WWOX: variants seen among roughly 807,000 people sequenced by gnomAD.
WWOX encodes the protein WW domain containing oxidoreductase.
Under a neutral mutation model 46.2 loss-of-function variants are expected in WWOX, and 69 were observed. That is an observed-to-expected ratio of 1.49 (90% CI 1.23 to 1.82). The LOEUF is 1.82. Among genes scored for constraint, WWOX ranks in the 40% most tolerant of loss-of-function variants. WWOX has a pLI of 0.00. For synonymous variants in WWOX, 359 were observed against 202.6 expected (o/e 1.77, Z -6.56); for missense variants, 919 against 542.6 (o/e 1.69, Z -6.89).
chr16:79,018,682 G>A (rs1054979522), intron 8 of WWOX, among the ~76,000 whole-genome samples: 5 of 152,132 alleles, frequency 3.3e-5, no homozygotes, highest in Non-Finnish European at 5.9e-5. Context: ...AATGTGGGCC[G>A]CCTCCTCCAC....
chr16:78,335,295 C>T (rs13336338), intron 5 of WWOX, among the ~76,000 whole-genome samples: 4,884 of 152,208 alleles, frequency 0.032, 215 homozygotes, highest in African/African-American at 0.094. Context: ...CACCTGCAAG[C>T]CCCAGTGTGT....
chr16:79,024,084 T>C (rs2047589275), intron 8 of WWOX, among the ~76,000 whole-genome samples: 1 of 152,180 alleles, frequency 6.6e-6, no homozygotes, highest in Non-Finnish European at 1.5e-5. Flanking sequence ...AAGCTAGTGA[T>C]TGCAGGGGGC....
At chr16:79,193,448 C>A (rs767697980) in intron 8 of WWOX, among the ~76,000 whole-genome samples, 8 of 152,190 alleles carry the variant, frequency 5.3e-5, no homozygotes, top group Non-Finnish European at 1.2e-4. Context: ...GGAAAAAGAG[C>A]TTTGCCACCG....
At chr16:78,744,175 G>A (rs2049293857) in intron 8 of WWOX, among the ~76,000 whole-genome samples, 1 of 152,112 alleles carries the variant, frequency 6.6e-6, no homozygotes, top group African/African-American at 2.4e-5. Flanking sequence ...GGTCCGTAAA[G>A]GTGGTATTTG....
At chr16:79,156,184 C>G (rs1223788997) in intron 8 of WWOX, among the ~76,000 whole-genome samples, 1 of 152,110 alleles carries the variant, frequency 6.6e-6, no homozygotes, top group Non-Finnish European at 1.5e-5. Context: ...TTCTTTGAGA[C>G]AAGGTCTCAC....
intron 8 of WWOX, chr16:79,004,654 G>T (rs1484277545): frequency 6.6e-6 from 1 of 152,282 alleles, no homozygotes; most frequent in Admixed American, 6.5e-5. Context: ...GCCAACTCCT[G>T]TTTATACTGG....
intron 8 of WWOX, among the ~76,000 whole-genome samples, chr16:78,622,542 TAA>T (rs35888465): frequency 8.0e-4 from 115 of 144,122 alleles, no homozygotes; most frequent in Middle Eastern, 3.6e-3. Flanking sequence ...AACTCCATCT[TAA>T]AAAAAAAAAA....
At chr16:78,606,192 A>G (rs1046986499) in intron 8 of WWOX, among the ~76,000 whole-genome samples, 5 of 152,254 alleles carry the variant, frequency 3.3e-5, no homozygotes, top group Non-Finnish European at 4.4e-5. Flanking sequence ...AAAACTTAAT[A>G]TAATTAATGT....
intron 8 of WWOX, among the ~76,000 whole-genome samples, chr16:79,160,225 A>G (rs2050458665): frequency 6.6e-6 from 1 of 152,196 alleles, no homozygotes; most frequent in East Asian, 1.9e-4. Flanking sequence ...TCCTATGGGA[A>G]GAGTGTTTTG....
intron 5 of WWOX, among the ~76,000 whole-genome samples, chr16:78,321,304 GTA>G (rs1398524716): frequency 1.3e-5 from 1 of 74,428 alleles, no homozygotes; most frequent in African/African-American, 5.0e-5. Context: ...ATATATATAC[GTA>G]TATATATGCG....
At chr16:78,557,254 T>C (rs1424676594) in intron 8 of WWOX, among the ~76,000 whole-genome samples, 2 of 152,146 alleles carry the variant, frequency 1.3e-5, no homozygotes, top group African/African-American at 2.4e-5. Context: ...TAAGACCTGA[T>C]TCTACCTATC....
chr16:79,127,666 G>C (rs1408876904), intron 8 of WWOX, among the ~76,000 whole-genome samples: 2 of 152,142 alleles, frequency 1.3e-5, no homozygotes, highest in African/African-American at 4.8e-5. Context: ...ATGCACTCCG[G>C]TCGTTTTCAT....
intron 8 of WWOX, among the ~76,000 whole-genome samples, chr16:78,960,644 A>G (rs747962476): frequency 1.2e-4 from 18 of 152,198 alleles, no homozygotes; most frequent in Non-Finnish European, 2.5e-4. Flanking sequence ...AGGTTCTCAC[A>G]GTCTGGAGGG....
chr16:79,073,275 G>T (rs1044753426), intron 8 of WWOX, among the ~76,000 whole-genome samples: 1 of 151,784 alleles, frequency 6.6e-6, no homozygotes, highest in Non-Finnish European at 1.5e-5. Flanking sequence ...CACCTCTTGG[G>T]TTCAAGTGGT....
intron 8 of WWOX, among the ~76,000 whole-genome samples, chr16:78,779,686 G>A (rs1445329683): frequency 6.6e-6 from 1 of 152,172 alleles, no homozygotes; most frequent in Non-Finnish European, 1.5e-5. Context: ...GATGCGACTG[G>A]GATCACCACA....
chr16:78,616,866 G>A (rs1394408218), intron 8 of WWOX, among the ~76,000 whole-genome samples: 2 of 152,126 alleles, frequency 1.3e-5, no homozygotes, highest in Non-Finnish European at 2.9e-5. Flanking sequence ...ACTTCCTAAT[G>A]TTACCACTCT....
chr16:78,748,246 C>T (rs2049396378), intron 8 of WWOX, among the ~76,000 whole-genome samples: 1 of 152,160 alleles, frequency 6.6e-6, no homozygotes, highest in Non-Finnish European at 1.5e-5. Flanking sequence ...AATGAATGAA[C>T]CTTGTCTACC....
intron 8 of WWOX, among the ~76,000 whole-genome samples, chr16:78,949,135 G>C (rs777593879): frequency 1.6e-4 from 24 of 152,074 alleles, no homozygotes; most frequent in Non-Finnish European, 2.4e-4. Context: ...GCTGAATTCT[G>C]CCAATAACCT....
intron 8 of WWOX, among the ~76,000 whole-genome samples, chr16:78,807,419 A>T (rs866978158): frequency 2.0e-5 from 3 of 152,258 alleles, no homozygotes; most frequent in African/African-American, 7.2e-5. Flanking sequence ...TTGATGTTTT[A>T]TGATTGTTTT....
Sources: allele counts gnomAD v4.1 joint callset (sites outside exome capture counted in the v4.1 genomes callset), GRCh38; gene constraint gnomAD v4.1.1; transcripts MANE v1.5; gene names NCBI Gene and HGNC (gene_info 2026-07-23, HGNC 2026-07-21).